RASEF: variants seen among roughly 807,000 people sequenced by gnomAD.
RASEF encodes the protein RAS and EF-hand domain containing.
Under a neutral mutation model 90.1 loss-of-function variants are expected in RASEF, and 68 were observed. The ratio of observed to expected loss-of-function variants is 0.75; its 90% CI spans 0.62 to 0.92. The LOEUF (loss-of-function observed/expected upper bound fraction) is 0.92, where lower values mean the gene tolerates loss of function less well. RASEF is among the 40% of genes least tolerant of loss of function. The pLI is 0.00. For synonymous variants in RASEF, 331 were observed against 345.2 expected, an observed-to-expected ratio of 0.96 and a Z score of 0.46; for missense variants, 949 against 937.2, an observed-to-expected ratio of 1.01 and a Z score of -0.16.
intron 1 of RASEF, chr9:83,048,586 G>A: frequency 8.1e-6 from 8 of 985,236 alleles, no homozygotes; most frequent in Non-Finnish European, 9.6e-6. Context: ...ATGAATGAAT[G>A]AATGAAAAAT....
At chr9:83,049,213 A>T (rs1360968407) in intron 1 of RASEF, 1 of 579,078 alleles carries the variant, frequency 1.7e-6, no homozygotes, top group Non-Finnish European at 2.2e-6. Context: ...AACAAACATA[A>T]ATCAGATATA....
At chr9:83,107,571 C>T in the RASEF span, among the ~76,000 whole-genome samples, 1 of 152,166 alleles carries the variant, frequency 6.6e-6, no homozygotes, top group Non-Finnish European at 1.5e-5. Context: ...TATCGCTCTC[C>T]TAAAACAACT....
At chr9:83,136,308 T>G in the RASEF span, among the ~76,000 whole-genome samples, 14 of 152,090 alleles carry the variant, frequency 9.2e-5, no homozygotes, top group Non-Finnish European at 1.8e-4. Context: ...ATAGCATACC[T>G]TTGCGCAAAG....
upstream of RASEF, among the ~76,000 whole-genome samples, chr9:83,066,220 T>C (rs116959557): frequency 6.6e-6 from 1 of 152,332 alleles, no homozygotes; most frequent in Non-Finnish European, 1.5e-5. Context: ...GGACAAAATG[T>C]AAATATCAAG....
chr9:82,995,627 G>A (rs1216103402), intron 14 of RASEF, among the ~76,000 whole-genome samples: 1 of 151,994 alleles, frequency 6.6e-6, no homozygotes, highest in Non-Finnish European at 1.5e-5. Context: ...TGTATTTTTT[G>A]TACAGATGGG....
At chr9:83,080,105 C>A in the RASEF span, among the ~76,000 whole-genome samples, 1 of 152,190 alleles carries the variant, frequency 6.6e-6, no homozygotes, top group Non-Finnish European at 1.5e-5. Context: ...CACATTTGTG[C>A]CCTCCAAAAG....
rs143848788 is a variant in RASEF at position 82,998,425 on chromosome 9, G to T, written c.1745C>A (p.Thr582Asn). Residue 582 changes from threonine to asparagine, a missense_variant, in exon 13 of 17, where the codon ACC (threonine) becomes AAC (asparagine). Thr to Asn is a moderately conservative substitution (Grantham distance 65). Coordinates refer to ENST00000376447, the MANE Select transcript of RASEF (RefSeq NM_152573.4). ...ATLGVDFQMK[T>N]LIVDGERTVL... is the part of the protein sequence containing the mutation. ...TGTTCGTTCTCCATCCACAATGAGGGTTTTCATTTGGAAATCAACTCCTGA... is the reference window on the plus strand; with the variant it reads ...TGTTCGTTCTCCATCCACAATGAGGTTTTTCATTTGGAAATCAACTCCTGA... The T allele has an allele frequency of 1.2e-4, 197 of 1,611,098 alleles. No individual in the cohort carries two copies. Among genetic ancestry groups the T allele is most frequent in the Non-Finnish European group, 1.6e-4 (190 of 1,177,380 alleles).
At chr9:83,109,198 C>T in the RASEF span, among the ~76,000 whole-genome samples, 4 of 152,168 alleles carry the variant, frequency 2.6e-5, no homozygotes, top group Non-Finnish European at 5.9e-5. Context: ...ATTTAGCCCC[C>T]GTGGTGCCTT....
chr9:83,189,458 C>G, the RASEF span, among the ~76,000 whole-genome samples: 1 of 152,134 alleles, frequency 6.6e-6, no homozygotes, highest in Admixed American at 6.6e-5. Context: ...CCTCCCAGAT[C>G]AGACATCAGG....
intron 6 of RASEF, 74 bp downstream of exon 6, chr9:83,009,567 A>G: frequency 1.3e-6 from 1 of 793,474 alleles, no homozygotes; most frequent in Non-Finnish European, 2.1e-6. Context: ...ATTATTCCAT[A>G]GCTGAGCTTC....
intron 15 of RASEF, 83 bp downstream of exon 15, chr9:82,992,823 G>A: frequency 3.4e-6 from 5 of 1,451,996 alleles, no homozygotes; most frequent in Non-Finnish European, 3.8e-6. Flanking sequence ...CTCAAGCAAA[G>A]GTAGACAAAA....
the RASEF span, among the ~76,000 whole-genome samples, chr9:83,203,752 T>A: frequency 1.3e-5 from 2 of 151,978 alleles, no homozygotes; most frequent in Admixed American, 6.6e-5. Flanking sequence ...TGGCTATGGG[T>A]GGGCACTCCA....
At chr9:83,130,250 C>G in the RASEF span, among the ~76,000 whole-genome samples, 1 of 151,998 alleles carries the variant, frequency 6.6e-6, no homozygotes, top group Non-Finnish European at 1.5e-5. Flanking sequence ...TTTTTTAAGA[C>G]TTTATCTTTT....
intron 12 of RASEF, among the ~76,000 whole-genome samples, chr9:82,999,888 A>G (rs932522586): frequency 3.9e-5 from 6 of 151,902 alleles, no homozygotes; most frequent in Admixed American, 1.3e-4. Context: ...ACAGGCATGA[A>G]CCACCGCACC....
At chr9:83,045,016 A>T (rs1327155914) in intron 1 of RASEF, among the ~76,000 whole-genome samples, 1 of 152,208 alleles carries the variant, frequency 6.6e-6, no homozygotes. Flanking sequence ...CCAGCCTGCC[A>T]TCCTGCCCTG....
chr9:83,041,094 C>G (rs1181034438), intron 1 of RASEF, among the ~76,000 whole-genome samples: 2 of 152,226 alleles, frequency 1.3e-5, no homozygotes, highest in East Asian at 3.8e-4. Flanking sequence ...CTCCTGACCT[C>G]AGGTGATCCA....
intron 1 of RASEF, among the ~76,000 whole-genome samples, chr9:83,037,227 G>A (rs1036842996): frequency 3.9e-5 from 6 of 152,068 alleles, no homozygotes; most frequent in African/African-American, 1.4e-4. Context: ...TGAAATGAGA[G>A]CTGTGTATAT....
chr9:83,147,200 G>A, the RASEF span, among the ~76,000 whole-genome samples: 1 of 152,064 alleles, frequency 6.6e-6, no homozygotes, highest in East Asian at 1.9e-4. Flanking sequence ...AGTAGCAGGA[G>A]CCTGATATTT....
chr9:83,092,895 T>A, the RASEF span, among the ~76,000 whole-genome samples: 2 of 151,806 alleles, frequency 1.3e-5, no homozygotes, highest in Non-Finnish European at 2.9e-5. Flanking sequence ...CCCACCAGAG[T>A]AGCTAGATAC....
Sources: allele counts gnomAD v4.1 joint callset (sites outside exome capture counted in the v4.1 genomes callset), GRCh38; gene constraint gnomAD v4.1.1; transcripts MANE v1.5; gene names NCBI Gene and HGNC (gene_info 2026-07-23, HGNC 2026-07-21).